Variants in UBXN6 observed in about 807,000 individuals in gnomAD.
The protein encoded by UBXN6 is UBX domain-containing protein 6.
In UBXN6, 44 loss-of-function variants were observed where a neutral mutation model predicts 51.4. That is an observed-to-expected ratio of 0.86 (90% confidence interval 0.67 to 1.10). The LOEUF (loss-of-function observed/expected upper bound fraction) is 1.10. UBXN6 is among the 50% of genes least tolerant of loss of function. The probability of loss-of-function intolerance (pLI) is 0.00; values close to 1 mark genes in which losing one functional copy is unlikely to be tolerated. For missense variants in UBXN6, 672 were observed against 596.1 expected (o/e 1.13, Z -1.32); for synonymous variants, 316 against 263.2 (o/e 1.20, Z -1.94).
chr19:4,451,118 G>A (rs1051663498), intron 4 of UBXN6, among the ~76,000 whole-genome samples: 2 of 152,150 alleles, frequency 1.3e-5, no homozygotes, highest in East Asian at 1.9e-4. Flanking sequence ...GCTCAATGGC[G>A]TGATCTGGGC....
At chr19:4,454,550 G>T (rs531440612) in intron 1 of UBXN6, among the ~76,000 whole-genome samples, 38 of 152,264 alleles carry the variant, frequency 2.5e-4, no homozygotes, top group Non-Finnish European at 4.7e-4. Context: ...AGCCTCCCAA[G>T]TCGCTGGGAC....
At position 4,447,293 on chromosome 19, in the gene UBXN6, C is replaced by G. The variant is rs1974554423; in HGVS notation, c.615+257G>C. Reference sequence around the variant, plus strand: ...TCCCCAGAGTCGACATGTTCCCAAACAAGCCCAGCTGAAGAGGAGGAAAAG... The same window carrying G: ...TCCCCAGAGTCGACATGTTCCCAAAGAAGCCCAGCTGAAGAGGAGGAAAAG... On this transcript the variant is annotated intron_variant, in intron 6 of 10. Coordinates refer to ENST00000301281, the MANE Select transcript of UBXN6 (RefSeq NM_025241.3). 34 of 576,062 alleles carry G rather than the reference C, an allele frequency of 5.9e-5. 1 individual carries two copies. The East Asian group carries it at 9.0e-4, about 15-fold the overall frequency. 35.7% of individuals were successfully genotyped at this position (576,062 alleles called of 1,614,324 possible).
At chr19:4,447,650 G>A (rs375116712) in intron 5 of UBXN6, 25 bp from the exon 6 acceptor site, 1 of 1,613,064 alleles carries the variant, frequency 6.2e-7, no homozygotes, top group Non-Finnish European at 8.5e-7. Context: ...GAAGGTGAGT[G>A]GGGCACAGCC....
intron 6 of UBXN6, 62 bp from the exon 7 acceptor site, chr19:4,446,982 C>G: frequency 6.5e-7 from 1 of 1,534,622 alleles, no homozygotes; most frequent in Middle Eastern, 1.7e-4. Flanking sequence ...GGCCACACCC[C>G]ACCCAGTCCA....
At chr19:4,448,069 C>G (rs1325074511) in intron 5 of UBXN6, 1 of 566,234 alleles carries the variant, frequency 1.8e-6, no homozygotes, top group African/African-American at 1.9e-5. Context: ...ACATGTTCCC[C>G]AAGGAAGCCA....
Position 4,452,496 on chromosome 19 carries a change from G to A in UBXN6, c.313-4C>T, listed in dbSNP as rs895362690. 38 of 1,609,688 alleles carry A rather than the reference G, an allele frequency of 2.4e-5. No individual in the cohort carries two copies. The highest frequency in any genetic ancestry group is 3.4e-5 in the Admixed American group (2 of 59,628). On this transcript the variant is annotated splice_region_variant and splice_polypyrimidine_tract_variant and intron_variant, in intron 3 of 10. Coordinates refer to ENST00000301281, the MANE Select transcript of UBXN6 (RefSeq NM_025241.3). ...CTTCCTCTCTGGGCTCAGATACCTG[G>A]GGCGGTGAAAGCGTCCAAGTCTGGA...
At position 4,457,728 on chromosome 19, in the gene UBXN6, CG is replaced by C; in HGVS notation, c.-32del. ...CGGCTGGCCCGGCGGCGGGGGGCCG[CG>C]GGGGCGGGGGGGCACGGGGCCCAGT... is the stretch of plus-strand genomic sequence containing the variant. On this transcript the variant is annotated 5_prime_UTR_variant, in exon 1 of 11. Coordinates refer to ENST00000301281, the MANE Select transcript of UBXN6 (RefSeq NM_025241.3). The C allele has an allele frequency of 7.9e-7, 1 of 1,270,270 alleles. No individual in the cohort carries two copies. The allele number at this position is 1,270,270 out of a possible 1,614,324, so 78.7% of individuals were successfully genotyped here.
rs777582814 is a variant in UBXN6 at position 4,453,460 on chromosome 19, C to G, written c.310G>C (p.Val104Leu). 6.2e-7 allele frequency: 1 copy of G among 1,613,288 alleles called. No homozygotes were observed. Among genetic ancestry groups the G allele is most frequent in the Non-Finnish European group, 8.5e-7 (1 of 1,179,762 alleles). Residue 104 changes from valine to leucine, a missense_variant and splice_region_variant, in exon 3 of 11, where the codon GTG becomes CTG. By Grantham distance (32) the Val-to-Leu change is conservative (BLOSUM62 1). Coordinates refer to ENST00000301281, the MANE Select transcript of UBXN6 (RefSeq NM_025241.3). Reference protein sequence around the residue: ...SGSPEAPGTNVVSEPREEGSA... With the variant: ...SGSPEAPGTNLVSEPREEGSA... ...GTGCCACCAGTGGCTGTTCTTACCA[C>G]GTTGGTCCCTGGGGCCTCGGGGCTC... is the stretch of plus-strand genomic sequence containing the variant.
chr19:4,453,109 G>C (rs1200685372), intron 3 of UBXN6, among the ~76,000 whole-genome samples: 1 of 152,188 alleles, frequency 6.6e-6, no homozygotes, highest in South Asian at 2.1e-4. Context: ...TGCCTTTGCT[G>C]GTCCTGGGGT....
intron 2 of UBXN6, 116 bp from the exon 3 acceptor site, chr19:4,453,638 T>C: frequency 7.7e-7 from 1 of 1,293,784 alleles, no homozygotes; most frequent in Non-Finnish European, 1.1e-6. Flanking sequence ...CGCCCCAGCC[T>C]GCTTCTGCTG....
At chr19:4,453,606 TGGGCCTGGGGGCCACGCAC>T (rs1974693049) in intron 2 of UBXN6, 84 bp from the exon 3 acceptor site, 5 of 1,530,612 alleles carry the variant, frequency 3.3e-6, no homozygotes. Context: ...ATTCCCGGGG[TGGGCCTGGGGGCCACGCAC>T]ACCGCCCCAG....
At chr19:4,451,344 C>G (rs537604218) in intron 4 of UBXN6, among the ~76,000 whole-genome samples, 1 of 152,262 alleles carries the variant, frequency 6.6e-6, no homozygotes, top group East Asian at 1.9e-4. Flanking sequence ...AGGCAAGAGC[C>G]ACCGCGCCCA....
chr19:4,451,855 T>C (rs571905141), intron 4 of UBXN6, among the ~76,000 whole-genome samples: 1 of 151,982 alleles, frequency 6.6e-6, no homozygotes, highest in Admixed American at 6.6e-5. Context: ...TAACCTTTTA[T>C]GAAAAACAAC....
At position 4,448,434 on chromosome 19, in the gene UBXN6, G is replaced by T; in HGVS notation, c.442-19C>A. On this transcript the variant is annotated intron_variant, in intron 4 of 10. Transcript: ENST00000301281. ...AGAAGTGCTGGGAGGAGGGAAGCAGGGAAAGCCACTCACTGAGAGCCCGGG... is the reference window on the plus strand; with the variant it reads ...AGAAGTGCTGGGAGGAGGGAAGCAGTGAAAGCCACTCACTGAGAGCCCGGG... 6.3e-7 allele frequency: 1 copy of T among 1,590,996 alleles called. No homozygotes were observed. Among genetic ancestry groups the T allele is most frequent in the Non-Finnish European group, 8.6e-7 (1 of 1,168,954 alleles).
rs1473881087 is a variant in UBXN6 at position 4,446,317 on chromosome 19, C to T, written c.1017G>A (p.Leu339=). The T allele has an allele frequency of 6.4e-7, 1 of 1,574,164 alleles. No individual in the cohort carries two copies. The highest frequency in any genetic ancestry group is 8.6e-7 in the Non-Finnish European group (1 of 1,165,742). Residue 339 remains leucine (L), a synonymous_variant, in exon 9 of 11, where the codon CTG becomes CTA. Coordinates refer to ENST00000301281, the MANE Select transcript of UBXN6 (RefSeq NM_025241.3). ...RGLRKYNYTL[L]RVRLPDGCLL... is the part of the protein sequence containing the mutation. ...GGCAGCCATCGGGGAGGCGCACGCGCAGCAGCGTGTAGTTGTACTTGCGCA... is the reference window on the plus strand; with the variant it reads ...GGCAGCCATCGGGGAGGCGCACGCGTAGCAGCGTGTAGTTGTACTTGCGCA...
chr19:4,445,280 C>T lies in UBXN6; in HGVS notation c.*218G>A, dbSNP rs575528306. 7 of 699,028 alleles carry T rather than the reference C, an allele frequency of 1.0e-5. No individual in the cohort carries two copies. The East Asian group carries it at 1.9e-4, about 19-fold the overall frequency. The allele number at this position is 699,028 out of a possible 1,614,324, so 43.3% of individuals were successfully genotyped here. A position where few individuals can be genotyped will look rare whatever the true frequency, so the allele number is the denominator to read the frequency against. ...CTTAGATTTGTTGGTGTCCCCAGGC[C>T]TCTCCCTCGGGGGCTTGGGCGCATC... On this transcript the variant is annotated 3_prime_UTR_variant, in exon 11 of 11. Transcript: ENST00000301281.
intron 5 of UBXN6, 164 bp downstream of exon 5, chr19:4,448,154 C>G: frequency 1.5e-6 from 1 of 646,720 alleles, no homozygotes; most frequent in East Asian, 2.7e-5. Context: ...AGGCCCAGCC[C>G]TTTGCCTGAG....
chr19:4,452,531 G>A (rs1322918232), intron 3 of UBXN6, 39 bp from the exon 4 acceptor site: 1 of 1,592,624 alleles, frequency 6.3e-7, no homozygotes, highest in Admixed American at 1.8e-5. Flanking sequence ...ACCGTGGACA[G>A]AGGCCACCCC....
At chr19:4,449,793 G>A (rs1470289985) in intron 4 of UBXN6, 1 of 152,128 alleles carries the variant, frequency 6.6e-6, no homozygotes, top group Non-Finnish European at 1.5e-5. Context: ...GCTCTCGACA[G>A]GTGGGGCTGA....
Sources: allele counts gnomAD v4.1 joint callset (sites outside exome capture counted in the v4.1 genomes callset), GRCh38; gene constraint gnomAD v4.1.1; transcripts MANE v1.5; gene names NCBI Gene and HGNC (gene_info 2026-07-23, HGNC 2026-07-21).